KHK: variants seen among roughly 807,000 people sequenced by gnomAD.
The protein encoded by KHK is ketohexokinase, also known as fructokinase.
In KHK, 37 loss-of-function variants were observed where a neutral mutation model predicts 36.0. That is an observed-to-expected ratio of 1.03 (90% CI 0.79 to 1.35). The LOEUF (loss-of-function observed/expected upper bound fraction) is 1.35, where lower values mean the gene tolerates loss of function less well. KHK is among the 40% of genes most tolerant of loss of function. The pLI is 0.00. For missense variants in KHK, 395 were observed against 391.9 expected (o/e 1.01, Z -0.07); for synonymous variants, 161 against 162.8 (o/e 0.99, Z 0.08).
chr2:27,099,808 C>T lies in KHK; in HGVS notation c.*58C>T, dbSNP rs772953388. On this transcript the variant is annotated 3_prime_UTR_variant, in exon 8 of 8. Transcript: ENST00000260598. ...ACTACCATTGCGGCTGCATCGCCTT[C>T]TCCCCTCCATCCAGCCTGGCGTCCA... 6.3e-7 allele frequency: 1 copy of T among 1,589,036 alleles called. No individual in the cohort carries two copies. Among genetic ancestry groups the T allele is most frequent in the Admixed American group, 1.8e-5 (1 of 56,182 alleles).
intron 1 of KHK, among the ~76,000 whole-genome samples, chr2:27,090,437 TTTTCTTTTTTC>T (rs1200865174): frequency 6.8e-6 from 1 of 147,964 alleles, no homozygotes; most frequent in Non-Finnish European, 1.5e-5. Flanking sequence ...AAAATCTTTT[TTTTCTTTTTTC>T]TTTCTTTTTT....
chr2:27,094,677 C>A (rs1464704924), intron 2 of KHK, 123 bp from the exon 3 acceptor site: 1 of 1,613,402 alleles, frequency 6.2e-7, no homozygotes, highest in East Asian at 2.2e-5. Flanking sequence ...GAACAGGACT[C>A]TTCTTCTCTT....
At chr2:27,093,171 A>G (rs987869846) in intron 2 of KHK, among the ~76,000 whole-genome samples, 1 of 152,192 alleles carries the variant, frequency 6.6e-6, no homozygotes, top group Non-Finnish European at 1.5e-5. Flanking sequence ...TGTGAAGGGC[A>G]GCCCTTTGAA....
At chr2:27,090,637 T>C (rs1669943463) in intron 1 of KHK, among the ~76,000 whole-genome samples, 1 of 151,772 alleles carries the variant, frequency 6.6e-6, no homozygotes, top group African/African-American at 2.4e-5. Context: ...GTATTTTTAG[T>C]AGAGACAGGG....
intron 1 of KHK, among the ~76,000 whole-genome samples, chr2:27,088,581 T>A (rs1669805328): frequency 6.6e-6 from 1 of 151,710 alleles, no homozygotes; most frequent in African/African-American, 2.4e-5. Flanking sequence ...CCCCACTAAT[T>A]TTTTTTTTCT....
At chr2:27,088,322 G>A (rs946119864) in intron 1 of KHK, among the ~76,000 whole-genome samples, 6 of 152,124 alleles carry the variant, frequency 3.9e-5, no homozygotes, top group Admixed American at 2.6e-4. Context: ...GATCAGAGTG[G>A]TCTTGAGCTC....
chr2:27,092,167 T>A (rs1170030097), intron 1 of KHK, among the ~76,000 whole-genome samples, 165 bp from the exon 2 acceptor site: 1 of 152,222 alleles, frequency 6.6e-6, no homozygotes, highest in Non-Finnish European at 1.5e-5. Flanking sequence ...TCAGCCAAGC[T>A]CCTTCCCTTG....
chr2:27,099,706 G>A lies in KHK; in HGVS notation c.853G>A (p.Ala285Thr). Reference sequence around the variant, plus strand: ...AGCACTGAGATTCGGGTGCCAGGTGGCCGGCAAGAAGTGTGGCCTGCAGGG... The same window carrying A: ...AGCACTGAGATTCGGGTGCCAGGTGACCGGCAAGAAGTGTGGCCTGCAGGG... ...QEALRFGCQV[A>T]GKKCGLQGFD... The change falls in exon 8 of 8, where the codon GCC becomes ACC. Residue 285 changes from alanine (A) to threonine (T), a missense_variant. Ala to Thr is a moderately conservative substitution (Grantham distance 58). Coordinates refer to ENST00000260598, the MANE Select transcript of KHK (RefSeq NM_006488.3). 1 of 1,614,124 alleles carries A rather than the reference G, an allele frequency of 6.2e-7. No individual in the cohort carries two copies. Among genetic ancestry groups the A allele is most frequent in the Non-Finnish European group, 8.5e-7 (1 of 1,180,014 alleles).
chr2:27,099,796 C>T lies in KHK; in HGVS notation c.*46C>T. 1 of 1,599,084 alleles carries T rather than the reference C, an allele frequency of 6.3e-7. No homozygotes were observed. The highest frequency in any genetic ancestry group is 8.5e-7 in the Non-Finnish European group (1 of 1,173,034). ...CACACCATGGAGACTACCATTGCGG[C>T]TGCATCGCCTTCTCCCCTCCATCCA... On this transcript the variant is annotated 3_prime_UTR_variant, in exon 8 of 8. Coordinates refer to ENST00000260598, the MANE Select transcript of KHK (RefSeq NM_006488.3).
chr2:27,099,115 T>G, intron 5 of KHK, 81 bp from the exon 6 acceptor site: 1 of 1,220,590 alleles, frequency 8.2e-7, no homozygotes, highest in Non-Finnish European at 1.2e-6. Flanking sequence ...GGGAGTCGTG[T>G]TGTAATGGGG....
At chr2:27,087,591 T>G (rs1043078431) in intron 1 of KHK, among the ~76,000 whole-genome samples, 1 of 151,192 alleles carries the variant, frequency 6.6e-6, no homozygotes, top group African/African-American at 2.5e-5. Flanking sequence ...CAATTTCCAT[T>G]TCAACTCAGG....
At chr2:27,092,064 G>A (rs1670041677) in intron 1 of KHK, among the ~76,000 whole-genome samples, 1 of 152,232 alleles carries the variant, frequency 6.6e-6, no homozygotes. Context: ...ACCCAAGTGA[G>A]TGGTTTCCTG....
At position 27,099,978 on chromosome 2, in the gene KHK, T is replaced by TGTCAGCTTCTGTC. The variant is rs113578725; in HGVS notation, c.*228_*229insGTCAGCTTCTGTC. 628 of 907,696 alleles carry TGTCAGCTTCTGTC rather than the reference T, an allele frequency of 6.9e-4. 3 individuals are homozygous for TGTCAGCTTCTGTC. In the African/African-American group the frequency reaches 9.8e-3, roughly 14 times the overall value. 56.2% of individuals were successfully genotyped at this position (907,696 alleles called of 1,614,324 possible). A position where few individuals can be genotyped will look rare whatever the true frequency, so the allele number is the denominator to read the frequency against. ...AATCTTCCTCAGAGCCAGCTTCTCCTCTCAATGTCTGAACTGCTCTGGCTG... is the reference window on the plus strand; with the variant it reads ...AATCTTCCTCAGAGCCAGCTTCTCCTGTCAGCTTCTGTCCTCAATGTCTGAACTGCTCTGGCTG... On this transcript the variant is annotated 3_prime_UTR_variant, in exon 8 of 8. Coordinates refer to ENST00000260598, the MANE Select transcript of KHK (RefSeq NM_006488.3).
At chr2:27,094,703 C>A in intron 2 of KHK, 97 bp from the exon 3 acceptor site, 1 of 1,612,734 alleles carries the variant, frequency 6.2e-7, no homozygotes, top group Non-Finnish European at 8.5e-7. Context: ...CTCGTGTGCT[C>A]CAGCACCCTC....
chr2:27,096,377 T>C (rs541484570), intron 3 of KHK, among the ~76,000 whole-genome samples: 8 of 152,126 alleles, frequency 5.3e-5, no homozygotes, highest in African/African-American at 1.7e-4. Flanking sequence ...GGGCTCTGCC[T>C]GTGGGAGCCG....
intron 2 of KHK, among the ~76,000 whole-genome samples, chr2:27,093,038 C>T (rs1670108611): frequency 6.6e-6 from 1 of 152,192 alleles, no homozygotes; most frequent in Non-Finnish European, 1.5e-5. Context: ...TCCATGTTGG[C>T]TGCTGCAGGG....
chr2:27,092,032 T>G (rs1442318697), intron 1 of KHK, among the ~76,000 whole-genome samples: 1 of 152,170 alleles, frequency 6.6e-6, no homozygotes, highest in Non-Finnish European at 1.5e-5. Flanking sequence ...CTGGAGTTAG[T>G]GGGTCTCTCG....
Position 27,099,873 on chromosome 2 carries a change from G to C in KHK, c.*123G>C. On this transcript the variant is annotated 3_prime_UTR_variant, in exon 8 of 8. Transcript: ENST00000260598. Reference sequence around the variant, plus strand: ...GGGGACAGATGCAAGCTGTGGGGAGGACTCTGCCTGTGTCCTGTGTTCCCC... The same window carrying C: ...GGGGACAGATGCAAGCTGTGGGGAGCACTCTGCCTGTGTCCTGTGTTCCCC... The C allele has an allele frequency of 6.5e-7, 1 of 1,549,708 alleles. No individual in the cohort carries two copies. The highest frequency in any genetic ancestry group is 8.7e-7 in the Non-Finnish European group (1 of 1,146,646).
Position 27,099,955 on chromosome 2 carries a change from TCTTCCTCAGAGCCAG to T in KHK, c.*210_*224del, listed in dbSNP as rs1186587522. On this transcript the variant is annotated 3_prime_UTR_variant, in exon 8 of 8. Coordinates refer to ENST00000260598, the MANE Select transcript of KHK (RefSeq NM_006488.3). ...GATGCAGAGCCTCAGAGCAAATAAA[TCTTCCTCAGAGCCAG>T]CTTCTCCTCTCAATGTCTGAACTGC... 8.7e-7 allele frequency: 1 copy of T among 1,154,936 alleles called. No individual in the cohort carries two copies. Among genetic ancestry groups the T allele is most frequent in the Non-Finnish European group, 1.3e-6 (1 of 793,476 alleles). 71.5% of individuals were successfully genotyped at this position (1,154,936 alleles called of 1,614,324 possible).
Sources: allele counts gnomAD v4.1 joint callset (sites outside exome capture counted in the v4.1 genomes callset), GRCh38; gene constraint gnomAD v4.1.1; transcripts MANE v1.5; gene names NCBI Gene and HGNC (gene_info 2026-07-23, HGNC 2026-07-21).